The following ADGRA3 variants were observed in gnomAD, a reference collection of about 807,000 sequenced individuals.
ADGRA3 encodes G-protein coupled receptor 125.
A neutral mutation model predicts 119.8 loss-of-function variants in ADGRA3; 56 were observed. The observed-to-expected ratio is 0.47, with a 90% CI of 0.38 to 0.58. ADGRA3 has a LOEUF of 0.58. Among genes scored for constraint, ADGRA3 ranks in the 20% least tolerant of loss-of-function variants. The pLI is 0.00. For synonymous variants in ADGRA3, 607 were observed against 623.8 expected, an observed-to-expected ratio of 0.97 and a Z score of 0.40; for missense variants, 1,516 against 1,649.0, an observed-to-expected ratio of 0.92 and a Z score of 1.40.
chr4:22,406,000 A>T (rs527832706), intron 14 of ADGRA3, among the ~76,000 whole-genome samples: 1 of 151,880 alleles, frequency 6.6e-6, no homozygotes, highest in African/African-American at 2.4e-5. Context: ...GGTATTTTCC[A>T]TTCTCCTTTC....
At chr4:22,396,230 A>C (rs1323565580) in intron 16 of ADGRA3, among the ~76,000 whole-genome samples, 1 of 152,166 alleles carries the variant, frequency 6.6e-6, no homozygotes, top group Non-Finnish European at 1.5e-5. Context: ...GAAAGCACCT[A>C]AGGTCCTACC....
intron 1 of ADGRA3, among the ~76,000 whole-genome samples, chr4:22,489,430 T>C (rs1278899415): frequency 6.6e-6 from 1 of 152,198 alleles, no homozygotes; most frequent in Non-Finnish European, 1.5e-5. Context: ...CTGTCTTTAA[T>C]GGCACTAAAT....
intron 1 of ADGRA3, among the ~76,000 whole-genome samples, chr4:22,479,944 A>G (rs1560338450): frequency 6.6e-6 from 1 of 152,124 alleles, no homozygotes; most frequent in African/African-American, 2.4e-5. Flanking sequence ...GAGTTGAACA[A>G]TGAAAACACA....
chr4:22,461,441 C>T (rs1398624648), intron 3 of ADGRA3, among the ~76,000 whole-genome samples: 1 of 152,236 alleles, frequency 6.6e-6, no homozygotes, highest in African/African-American at 2.4e-5. Context: ...GCTGGGACTA[C>T]AGGCACACAC....
At chr4:22,428,337 A>C (rs1192081292) in intron 10 of ADGRA3, among the ~76,000 whole-genome samples, 1 of 107,262 alleles carries the variant, frequency 9.3e-6, no homozygotes, top group Non-Finnish European at 2.2e-5. Context: ...ATCTCAGTCC[A>C]TGGTAAAATA....
At chr4:22,418,890 C>T (rs1184243938) in intron 12 of ADGRA3, among the ~76,000 whole-genome samples, 1 of 152,096 alleles carries the variant, frequency 6.6e-6, no homozygotes, top group Non-Finnish European at 1.5e-5. Flanking sequence ...TGAGGAAGCA[C>T]TCAGAGAACT....
In ADGRA3 at chr4:22,450,949, A is replaced by ATATATAT. The variant is rs1168085129; in HGVS notation, c.474-3439_474-3438insATATATA. 3.7e-3 allele frequency among the ~76,000 whole-genome samples: 496 copies of ATATATAT among 133,112 alleles called. 3 individuals are homozygous for ATATATAT. The highest frequency in any genetic ancestry group is 0.013 in the African/African-American group (460 of 34,438). The allele number at this position is 133,112 out of a possible 152,430, so 87.3% of individuals were successfully genotyped here. ...CTGGATATAACAGAAAAAAAAAAAA[A>ATATATAT]AAATATATATATATATATATATACA... On this transcript the variant is annotated intron_variant, in intron 4 of 18. Transcript: ENST00000334304.
chr4:22,401,119 A>G (rs1299362686), intron 16 of ADGRA3, among the ~76,000 whole-genome samples: 1 of 152,190 alleles, frequency 6.6e-6, no homozygotes, highest in Non-Finnish European at 1.5e-5. Context: ...AGAAAATGTC[A>G]CTTCTCTTTC....
At position 22,513,870 on chromosome 4, in the gene ADGRA3, A is replaced by AAAAAAC. The variant is rs1560356106; in HGVS notation, c.257+1657_257+1658insGTTTTT. On this transcript the variant is annotated intron_variant, in intron 1 of 18. Coordinates refer to ENST00000334304, the MANE Select transcript of ADGRA3 (RefSeq NM_145290.4). The stretch of plus-strand genomic sequence containing the variant: ...CAAAAAAAAAAAAAAAAAAAAAAAA[A>AAAAAAC]AAAACTGGATTGAAATGACATTTCA... Among the ~76,000 whole-genome samples, 3 of 95,612 alleles carry AAAAAAC rather than the reference A, an allele frequency of 3.1e-5. 1 individual carries two copies. The highest frequency in any genetic ancestry group is 2.2e-5 in the Non-Finnish European group (1 of 45,198). The allele number at this position is 95,612 out of a possible 152,430, so 62.7% of individuals were successfully genotyped here.
At chr4:22,413,997 G>C (rs913320532) in intron 12 of ADGRA3, 183 bp from the exon 13 acceptor site, 1 of 469,036 alleles carries the variant, frequency 2.1e-6, no homozygotes. Flanking sequence ...ACATAACATA[G>C]ATTAAAAGAA....
chr4:22,449,293 A>G (rs1716945595), intron 4 of ADGRA3, among the ~76,000 whole-genome samples: 1 of 152,094 alleles, frequency 6.6e-6, no homozygotes, highest in Non-Finnish European at 1.5e-5. Flanking sequence ...ATTTTTTTTA[A>G]GAAAGTAACT....
chr4:22,469,360 T>C (rs1717776774), intron 2 of ADGRA3, among the ~76,000 whole-genome samples: 1 of 152,238 alleles, frequency 6.6e-6, no homozygotes, highest in Non-Finnish European at 1.5e-5. Flanking sequence ...TGTACACTAC[T>C]TGTCTTCTTC....
intron 12 of ADGRA3, among the ~76,000 whole-genome samples, chr4:22,415,338 T>C (rs567728434): frequency 6.6e-6 from 1 of 152,316 alleles, no homozygotes; most frequent in African/African-American, 2.4e-5. Context: ...ATCTTTTCAA[T>C]GTAAGTATTT....
At chr4:22,488,782 T>G (rs1718526855) in intron 1 of ADGRA3, among the ~76,000 whole-genome samples, 1 of 152,184 alleles carries the variant, frequency 6.6e-6, no homozygotes, top group African/African-American at 2.4e-5. Context: ...ATAATTTTAC[T>G]TTAATTCAGT....
At chr4:22,501,476 C>G (rs1393401309) in intron 1 of ADGRA3, among the ~76,000 whole-genome samples, 1 of 151,896 alleles carries the variant, frequency 6.6e-6, no homozygotes, top group South Asian at 2.1e-4. Context: ...TTTCATAGAC[C>G]AGCAAAATAT....
At chr4:22,454,502 G>T (rs1717173736) in intron 4 of ADGRA3, among the ~76,000 whole-genome samples, 2 of 152,190 alleles carry the variant, frequency 1.3e-5, no homozygotes, top group East Asian at 3.9e-4. Context: ...TCACTATCCA[G>T]ATCTCTGCAA....
chr4:22,426,359 G>A (rs1715931313), intron 10 of ADGRA3, among the ~76,000 whole-genome samples: 1 of 152,140 alleles, frequency 6.6e-6, no homozygotes, highest in South Asian at 2.1e-4. Flanking sequence ...TGAGGGTAGA[G>A]ACAACAAAAT....
rs141619991 is a variant in ADGRA3 at position 22,388,390 on chromosome 4, G to T, written c.3281C>A (p.Ala1094Glu). Residue 1094 changes from alanine to glutamate, a missense_variant, in exon 19 of 19, where the codon GCG becomes GAG. By Grantham distance (107) the Ala-to-Glu change is moderately radical. Transcript: ENST00000334304. Reference sequence around the variant, plus strand: ...ACTTTTGTTTGTGCATGAAGACTCCGCACTGCTATTGGGGCATTTGGGTGC... The same window carrying T: ...ACTTTTGTTTGTGCATGAAGACTCCTCACTGCTATTGGGGCATTTGGGTGC... ...GEAPKCPNSS[A>E]ESSCTNKSAS... The T allele has an allele frequency of 6.2e-7, 1 of 1,613,978 alleles. No individual in the cohort carries two copies. The highest frequency in any genetic ancestry group is 2.2e-5 in the East Asian group (1 of 44,822).
chr4:22,505,646 C>CAAA (rs199814126), intron 1 of ADGRA3, among the ~76,000 whole-genome samples: 2,944 of 122,868 alleles, frequency 0.024, 131 homozygotes, highest in African/African-American at 0.083. Context: ...GACTCTGTCT[C>CAAA]AAAAAAAAAA....
Sources: gnomAD v4.1 joint callset for allele counts (sites outside exome capture counted in the v4.1 genomes callset) on GRCh38, gnomAD v4.1.1 for gene constraint, MANE v1.5 for transcripts, NCBI Gene and HGNC (gene_info 2026-07-23, HGNC 2026-07-21) for gene names.